RAB28: variants seen among roughly 807,000 people sequenced by gnomAD.
RAB28 encodes ras-related protein Rab-28.
RAB28 carries 24 observed loss-of-function variants against 31.7 expected under a neutral mutation model. The ratio of observed to expected loss-of-function variants is 0.76; its 90% confidence interval spans 0.55 to 1.06. RAB28 has a LOEUF of 1.06. RAB28 is among the 50% of genes least tolerant of loss of function. The pLI, the probability that RAB28 is intolerant of heterozygous loss-of-function variation, is 0.00. For synonymous variants in RAB28, 100 were observed against 90.4 expected (o/e 1.11, Z -0.60); for missense variants, 254 against 258.5 (o/e 0.98, Z 0.12).
Position 13,426,309 on chromosome 4 carries a change from T to C in RAB28, c.391+34390A>G, listed in dbSNP as rs73229682. Among the ~76,000 whole-genome samples the C allele has an allele frequency of 9.6e-3, 1,469 of 152,242 alleles. 11 individuals carry two copies. The highest frequency in any genetic ancestry group is 0.031 in the Middle Eastern group (9 of 294). On this transcript the variant is annotated intron_variant, in intron 4 of 6. Transcript: ENST00000330852. ...GTTACCACCTCATCTCATCCAATTT[T>C]ATAAGCTTCACATACTAATGAGGAT...
intron 4 of RAB28, among the ~76,000 whole-genome samples, chr4:13,432,026 A>C (rs1713834680): frequency 1.3e-5 from 2 of 152,134 alleles, no homozygotes; most frequent in Non-Finnish European, 2.9e-5. Flanking sequence ...AGAAAGCTGA[A>C]ATCCAATACA....
chr4:13,370,591 G>A (rs1728679522), intron 6 of RAB28: 14 of 972,426 alleles, frequency 1.4e-5, no homozygotes, highest in Non-Finnish European at 1.7e-5. Context: ...CTTTGAAGGT[G>A]GGGAGAGGAA....
intron 3 of RAB28, among the ~76,000 whole-genome samples, chr4:13,469,144 C>T (rs991100947): frequency 6.6e-6 from 1 of 152,012 alleles, no homozygotes; most frequent in African/African-American, 2.4e-5. Flanking sequence ...CTGATCCCTT[C>T]CAGAAAACTA....
Position 13,435,017 on chromosome 4 carries a change from C to CAA in RAB28, c.391+25680_391+25681dup, listed in dbSNP as rs991889676. 6.5e-3 allele frequency among the ~76,000 whole-genome samples: 304 copies of CAA among 46,974 alleles called. 10 individuals carry two copies. The highest frequency in any genetic ancestry group is 0.02 in the African/African-American group (275 of 13,810). The allele number at this position is 46,974 out of a possible 152,430, so 30.8% of individuals were successfully genotyped here. A position where few individuals can be genotyped will look rare whatever the true frequency, so the allele number is the denominator to read the frequency against. On this transcript the variant is annotated intron_variant, in intron 4 of 6. Coordinates refer to ENST00000330852, the MANE Select transcript of RAB28 (RefSeq NM_001017979.3). ...CTTGGCACAGAGCAAGACTCCGTCT[C>CAA]AAAAAAAAAAAAAAAAAAGAAAAGA...
chr4:13,438,883 A>G (rs1714268988), intron 4 of RAB28, among the ~76,000 whole-genome samples: 1 of 152,192 alleles, frequency 6.6e-6, no homozygotes, highest in Non-Finnish European at 1.5e-5. Context: ...CGGCAGCTGC[A>G]TTTCTACTGG....
intron 4 of RAB28, among the ~76,000 whole-genome samples, chr4:13,440,662 CAATGGCTCTGATGTGGACTG>C (rs757727474): frequency 2.0e-5 from 3 of 152,070 alleles, no homozygotes; most frequent in Non-Finnish European, 4.4e-5. Flanking sequence ...CATCAGATCA[CAATGGCTCTGATGTGGACTG>C]AATTGTATCA....
chr4:13,414,419 G>A (rs751564235), intron 4 of RAB28, among the ~76,000 whole-genome samples: 3 of 152,132 alleles, frequency 2.0e-5, no homozygotes, highest in Non-Finnish European at 2.9e-5. Flanking sequence ...AATAAAAGAA[G>A]CAACACCAAA....
intron 4 of RAB28, among the ~76,000 whole-genome samples, chr4:13,458,731 C>G (rs1425158030): frequency 6.6e-6 from 1 of 152,152 alleles, no homozygotes; most frequent in East Asian, 1.9e-4. Context: ...TATGCTTAGA[C>G]AGATAAATAC....
chr4:13,377,537 TA>T (rs1728969158), intron 5 of RAB28, among the ~76,000 whole-genome samples: 1 of 152,124 alleles, frequency 6.6e-6, no homozygotes, highest in Non-Finnish European at 1.5e-5. Context: ...AGAGTGGTTA[TA>T]AAAGAAGACG....
At position 13,378,782 on chromosome 4, in the gene RAB28, G is replaced by A. The variant is rs557813740; in HGVS notation, c.496-2160C>T. Among the ~76,000 whole-genome samples the A allele has an allele frequency of 5.9e-5, 9 of 152,258 alleles. No homozygotes were observed. The South Asian group carries it at 1.9e-3, about 32-fold the overall frequency. The stretch of plus-strand genomic sequence containing the variant: ...GAACAGATGGGGTAAGTAGGATGAG[G>A]TTAGACCTGGTAGCAGCAGTATGTA... On this transcript the variant is annotated intron_variant, in intron 5 of 6. Transcript: ENST00000330852.
intron 4 of RAB28, among the ~76,000 whole-genome samples, chr4:13,385,541 T>C (rs1729331018): frequency 6.6e-6 from 1 of 152,152 alleles, no homozygotes; most frequent in Admixed American, 6.5e-5. Context: ...TAATATTCAA[T>C]GTTCTTAAAG....
chr4:13,420,282 A>T (rs949824292), intron 4 of RAB28, among the ~76,000 whole-genome samples: 6 of 152,192 alleles, frequency 3.9e-5, no homozygotes, highest in African/African-American at 1.2e-4. Flanking sequence ...ACCAACCAAA[A>T]AAAGGCCAGG....
chr4:13,376,620 G>C lies in RAB28; in HGVS notation c.498C>G (p.Val166=). The change falls in exon 6 of 7, where the codon GTC becomes GTG. Residue 166 remains valine, a splice_region_variant and synonymous_variant. Transcript: ENST00000330852. ...HFVSAKTGDS[V]FLCFQKVAAE... The stretch of plus-strand genomic sequence containing the variant: ...CAGCAACTTTCTGAAAGCACAGGAA[G>C]ACCTACATAACAAAAATGGGTTTAA... 6.3e-7 allele frequency: 1 copy of C among 1,594,368 alleles called. No individual in the cohort carries two copies.
intron 4 of RAB28, among the ~76,000 whole-genome samples, chr4:13,428,179 G>A (rs866077879): frequency 1.3e-5 from 2 of 152,208 alleles, no homozygotes; most frequent in African/African-American, 4.8e-5. Context: ...GGCCCAGGGC[G>A]CGCCGCCGGG....
chr4:13,473,619 C>A (rs1272924905), intron 3 of RAB28, among the ~76,000 whole-genome samples: 1 of 151,736 alleles, frequency 6.6e-6, no homozygotes, highest in Non-Finnish European at 1.5e-5. Context: ...TATATTACTA[C>A]CCTGCATATT....
At chr4:13,466,023 C>A (rs1305308346) in intron 3 of RAB28, among the ~76,000 whole-genome samples, 1 of 151,892 alleles carries the variant, frequency 6.6e-6, no homozygotes, top group Non-Finnish European at 1.5e-5. Context: ...TATCCACATG[C>A]AGAACAAAAT....
chr4:13,417,683 A>T (rs1712872344), intron 4 of RAB28, among the ~76,000 whole-genome samples: 1 of 152,206 alleles, frequency 6.6e-6, no homozygotes, highest in Admixed American at 6.5e-5. Context: ...AAACTAACAA[A>T]CAGAAAGGAA....
At position 13,458,950 on chromosome 4, in the gene RAB28, G is replaced by C. The variant is rs535879802; in HGVS notation, c.391+1749C>G. On this transcript the variant is annotated intron_variant, in intron 4 of 6. Coordinates refer to ENST00000330852, the MANE Select transcript of RAB28 (RefSeq NM_001017979.3). ...TATTGTTCCTGCATGTGTCAGTGAG[G>C]GTGTTGCCAAAGGAGATTAACATTT... is the stretch of plus-strand genomic sequence containing the variant. Among the ~76,000 whole-genome samples, 43 of 152,276 alleles carry C rather than the reference G, an allele frequency of 2.8e-4. No homozygotes were observed. The South Asian group carries it at 8.9e-3, about 32-fold the overall frequency.
At chr4:13,431,609 C>T (rs1713809404) in intron 4 of RAB28, among the ~76,000 whole-genome samples, 1 of 151,898 alleles carries the variant, frequency 6.6e-6, no homozygotes, top group South Asian at 2.1e-4. Flanking sequence ...GTGTGTCAGC[C>T]CTTATATCCA....
Sources: gnomAD v4.1 joint callset for allele counts (sites outside exome capture counted in the v4.1 genomes callset) on GRCh38, gnomAD v4.1.1 for gene constraint, MANE v1.5 for transcripts, NCBI Gene and HGNC (gene_info 2026-07-23, HGNC 2026-07-21) for gene names.